The following CDCA7L variants were observed in gnomAD, a reference collection of about 807,000 sequenced individuals.
CDCA7L encodes the protein cell division cycle associated 7 like.
CDCA7L carries 44 observed loss-of-function variants against 57.4 expected under a neutral mutation model. That is an observed-to-expected ratio of 0.77 (90% CI 0.60 to 0.98). The LOEUF (loss-of-function observed/expected upper bound fraction) is 0.98, where lower values mean the gene tolerates loss of function less well. Among genes scored for constraint, CDCA7L ranks in the 50% least tolerant of loss-of-function variants. The pLI is 0.00. For missense variants in CDCA7L, 644 were observed against 580.6 expected (o/e 1.11, Z -1.12); for synonymous variants, 236 against 202.8 (o/e 1.16, Z -1.39).
chr7:21,934,023 G>A (rs1487135645), intron 1 of CDCA7L, among the ~76,000 whole-genome samples: 1 of 151,874 alleles, frequency 6.6e-6, no homozygotes, highest in African/African-American at 2.4e-5. Flanking sequence ...ATTACTACTG[G>A]CATTTGCAAC....
In CDCA7L at chr7:21,945,874, G is replaced by A. The variant is rs1271337970; in HGVS notation, c.-70C>T. The A allele has an allele frequency of 2.6e-6, 4 of 1,520,692 alleles. No individual in the cohort carries two copies. The highest frequency in any genetic ancestry group is 4.2e-5 in the Admixed American group (2 of 47,246). 94.2% of individuals were successfully genotyped at this position (1,520,692 alleles called of 1,614,324 possible). ...GAGCCCGGACTCACCACGGCCCGGC[G>A]CACCAAGAACGCCCCGCGCCCGAGC... On this transcript the variant is annotated 5_prime_UTR_variant, in exon 1 of 10. Coordinates refer to ENST00000406877, the MANE Select transcript of CDCA7L (RefSeq NM_018719.5).
intron 1 of CDCA7L, among the ~76,000 whole-genome samples, chr7:21,917,554 G>C (rs1383374877): frequency 2.0e-5 from 3 of 152,110 alleles, no homozygotes; most frequent in African/African-American, 4.8e-5. Flanking sequence ...CCAATTCTTT[G>C]TTTTAAAAAA....
At chr7:21,908,648 G>T in intron 3 of CDCA7L, 141 bp from the exon 4 acceptor site, 1 of 929,696 alleles carries the variant, frequency 1.1e-6, no homozygotes, top group Non-Finnish European at 1.5e-6. Context: ...AGTTCCCTCT[G>T]AATTTCCTTT....
At chr7:21,911,781 A>G in intron 2 of CDCA7L, 27 bp from the exon 3 acceptor site, 1 of 1,604,756 alleles carries the variant, frequency 6.2e-7, no homozygotes, top group Non-Finnish European at 8.5e-7. Flanking sequence ...CATACATCAG[A>G]GACGGAAAGT....
chr7:21,902,362 AGAT>A lies in CDCA7L; in HGVS notation c.1335-13_1335-11del, dbSNP rs768850452. 2.7e-4 allele frequency: 435 copies of A among 1,613,534 alleles called. No individual in the cohort carries two copies. The African/African-American group carries it at 4.8e-3, about 18-fold the overall frequency. ...CAGCTCCTTTTGTAAGCTGGGAAAA[AGAT>A]GAGAAGTATTTGGTAAAGTAGTACA... On this transcript the variant is annotated splice_polypyrimidine_tract_variant and intron_variant, in intron 9 of 9. Coordinates refer to ENST00000406877, the MANE Select transcript of CDCA7L (RefSeq NM_018719.5).
At position 21,901,768 on chromosome 7, in the gene CDCA7L, AGTG is replaced by A. The variant is rs1280462523; in HGVS notation, c.*551_*553del. On this transcript the variant is annotated 3_prime_UTR_variant, in exon 10 of 10. Transcript: ENST00000406877. ...GCACTCTGTAAGGCCTCCAGTGTCC[AGTG>A]TCTACAATGTTGATGGTCCCCTTTT... is the stretch of plus-strand genomic sequence containing the variant. 52 of 159,710 alleles carry A rather than the reference AGTG, an allele frequency of 3.3e-4. No individual in the cohort carries two copies. Among genetic ancestry groups the A allele is most frequent in the Admixed American group, 6.6e-4 (11 of 16,728 alleles). The allele number at this position is 159,710 out of a possible 1,614,324, so 9.9% of individuals were successfully genotyped here. A position where few individuals can be genotyped will look rare whatever the true frequency, so the allele number is the denominator to read the frequency against.
intron 7 of CDCA7L, 31 bp from the exon 8 acceptor site, chr7:21,904,290 A>G: frequency 6.4e-7 from 1 of 1,567,564 alleles, no homozygotes; most frequent in Non-Finnish European, 8.6e-7. Flanking sequence ...GCAGGTGAAC[A>G]CAGGGATATG....
At chr7:21,941,333 G>A (rs1312092571) in intron 1 of CDCA7L, among the ~76,000 whole-genome samples, 2 of 152,166 alleles carry the variant, frequency 1.3e-5, no homozygotes, top group African/African-American at 4.8e-5. Flanking sequence ...ATAGTGCTAA[G>A]GAAAGCAGAT....
At chr7:21,915,658 A>AACAC (rs55943408) in intron 2 of CDCA7L, among the ~76,000 whole-genome samples, 1,045 of 73,364 alleles carry the variant, frequency 0.014, 72 homozygotes, top group Middle Eastern at 0.048. Flanking sequence ...AAAAAAAAAA[A>AACAC]ACACACACAC....
intron 1 of CDCA7L, among the ~76,000 whole-genome samples, chr7:21,940,982 G>A (rs1786323712): frequency 6.6e-6 from 1 of 152,128 alleles, no homozygotes; most frequent in Non-Finnish European, 1.5e-5. Context: ...CATAAGCTTG[G>A]TTCTAACCTC....
rs552958114 is a variant in CDCA7L at position 21,932,391 on chromosome 7, A to C, written c.24+13390T>G. Among the ~76,000 whole-genome samples the C allele has an allele frequency of 6.6e-5, 10 of 152,312 alleles. No homozygotes were observed. The East Asian group carries it at 1.9e-3, about 29-fold the overall frequency. On this transcript the variant is annotated intron_variant, in intron 1 of 9. Coordinates refer to ENST00000406877, the MANE Select transcript of CDCA7L (RefSeq NM_018719.5). ...AAAGCTAGAGGCATCATGCTACCTG[A>C]TTTCAATCTATACTACAAGGCTACA...
chr7:21,938,906 A>T lies in CDCA7L; in HGVS notation c.24+6875T>A, dbSNP rs530620316. 2.6e-5 allele frequency among the ~76,000 whole-genome samples: 4 copies of T among 152,200 alleles called. No individual in the cohort carries two copies. In the East Asian group the frequency reaches 7.7e-4, roughly 29 times the overall value. Reference sequence around the variant, plus strand: ...ATACCTATAGTCCCAGCTACTCAAGAGGTTGCAGTGGGAGGATCACTTGAG... The same window carrying T: ...ATACCTATAGTCCCAGCTACTCAAGTGGTTGCAGTGGGAGGATCACTTGAG... On this transcript the variant is annotated intron_variant, in intron 1 of 9. Coordinates refer to ENST00000406877, the MANE Select transcript of CDCA7L (RefSeq NM_018719.5).
Position 21,945,816 on chromosome 7 carries a change from G to C in CDCA7L, c.-12C>G, listed in dbSNP as rs368095961. On this transcript the variant is annotated 5_prime_UTR_variant, in exon 1 of 10. Coordinates refer to ENST00000406877, the MANE Select transcript of CDCA7L (RefSeq NM_018719.5). ...GTCGCCAACTCCATTCTTCCTAACC[G>C]GGCTCCAGTCTCCTCCCAGCACGCG... 7.3e-4 allele frequency: 1,170 copies of C among 1,598,158 alleles called. 2 individuals are homozygous for C. Among genetic ancestry groups the C allele is most frequent in the Non-Finnish European group, 8.9e-4 (1,047 of 1,173,772 alleles).
rs1784984338 is a variant in CDCA7L at position 21,902,969 on chromosome 7, C to CTT, written c.1334+7_1334+8dup. On this transcript the variant is annotated intron_variant, in intron 9 of 9. Coordinates refer to ENST00000406877, the MANE Select transcript of CDCA7L (RefSeq NM_018719.5). ...AAGCTGTTTTGTAAGCTGCTAGAGA[C>CTT]TTACTTACCTCTCCAGATATTCCTT... is the stretch of plus-strand genomic sequence containing the variant. 1.2e-6 allele frequency: 2 copies of CTT among 1,612,740 alleles called. No homozygotes were observed. Among genetic ancestry groups the CTT allele is most frequent in the Middle Eastern group, 1.7e-4 (1 of 5,940 alleles).
At chr7:21,903,607 C>G (rs529874766) in intron 8 of CDCA7L, among the ~76,000 whole-genome samples, 1 of 117,196 alleles carries the variant, frequency 8.5e-6, no homozygotes, top group Non-Finnish European at 1.8e-5. Context: ...GGCTCAAGGT[C>G]GTGCCTACTC....
At chr7:21,919,783 A>G (rs1785596136) in intron 1 of CDCA7L, among the ~76,000 whole-genome samples, 1 of 152,108 alleles carries the variant, frequency 6.6e-6, no homozygotes, top group Admixed American at 6.6e-5. Flanking sequence ...ATAGCGCCAA[A>G]CTGACGCCAC....
In CDCA7L at chr7:21,935,989, C is replaced by T. The variant is rs1039936147; in HGVS notation, c.24+9792G>A. Among the ~76,000 whole-genome samples the T allele has an allele frequency of 3.9e-5, 6 of 152,072 alleles. No homozygotes were observed. The East Asian group carries it at 1.2e-3, about 29-fold the overall frequency. ...TGCCACTACACTCCAGCCTGGGCGA[C>T]AGAGCAAGACTCCGTCTCAAAATGA... On this transcript the variant is annotated intron_variant, in intron 1 of 9. Transcript: ENST00000406877.
intron 3 of CDCA7L, among the ~76,000 whole-genome samples, chr7:21,910,490 T>C (rs749917211): frequency 4.6e-5 from 7 of 152,204 alleles, no homozygotes; most frequent in African/African-American, 9.6e-5. Context: ...ACGGCTTATT[T>C]ATACCTCTAC....
chr7:21,908,894 A>G (rs569363875), intron 3 of CDCA7L, among the ~76,000 whole-genome samples: 9 of 152,316 alleles, frequency 5.9e-5, no homozygotes, highest in African/African-American at 2.2e-4. Flanking sequence ...TCAGACAGGA[A>G]AGGACGCAAC....
Sources: allele counts gnomAD v4.1 joint callset (sites outside exome capture counted in the v4.1 genomes callset), GRCh38; gene constraint gnomAD v4.1.1; transcripts MANE v1.5; gene names NCBI Gene and HGNC (gene_info 2026-07-23, HGNC 2026-07-21).